ATP8A2: variants seen among roughly 807,000 people sequenced by gnomAD.
The protein encoded by ATP8A2 is phospholipid-transporting ATPase IB.
Under a neutral mutation model 165.6 loss-of-function variants are expected in ATP8A2, and 100 were observed. The ratio of observed to expected loss-of-function variants is 0.60; its 90% CI spans 0.51 to 0.71. The LOEUF is 0.71. Among genes scored for constraint, ATP8A2 ranks in the 30% least tolerant of loss-of-function variants. The probability of loss-of-function intolerance (pLI) is 0.00; values close to 1 mark genes in which losing one functional copy is unlikely to be tolerated. For synonymous variants in ATP8A2, 543 were observed against 548.8 expected, an observed-to-expected ratio of 0.99 and a Z score of 0.15; for missense variants, 1,227 against 1,479.5, an observed-to-expected ratio of 0.83 and a Z score of 2.80.
At chr13:25,377,662 C>T (rs1052438276) in intron 1 of ATP8A2, among the ~76,000 whole-genome samples, 3 of 151,848 alleles carry the variant, frequency 2.0e-5, no homozygotes, top group Non-Finnish European at 4.4e-5. Flanking sequence ...GGTAATGGTG[C>T]GTGCCTGTAA....
Position 25,995,373 on chromosome 13 carries a change from C to T in ATP8A2, c.3378-17158C>T, listed in dbSNP as rs529023742. Among the ~76,000 whole-genome samples, 19 of 150,698 alleles carry T rather than the reference C, an allele frequency of 1.3e-4. 1 individual carries two copies. In the East Asian group the frequency reaches 3.5e-3, roughly 28 times the overall value. On this transcript the variant is annotated intron_variant, in intron 35 of 36. Transcript: ENST00000381655. ...CTGCTTGCTTTGGGTTTATTTTGCT[C>T]TTCTTTTCTAGTTTCTTCATGTGAG... is the stretch of plus-strand genomic sequence containing the variant.
intron 24 of ATP8A2, among the ~76,000 whole-genome samples, chr13:25,697,239 T>C (rs937653108): frequency 5.3e-5 from 8 of 152,106 alleles, no homozygotes; most frequent in African/African-American, 1.9e-4. Flanking sequence ...GTAGAAGAGA[T>C]GTGTATTTTC....
chr13:25,892,704 C>T (rs1953411083), intron 33 of ATP8A2, among the ~76,000 whole-genome samples: 2 of 152,176 alleles, frequency 1.3e-5, no homozygotes, highest in Admixed American at 6.5e-5. Context: ...ATGCTCCCTC[C>T]ATCCCCCTCC....
chr13:25,780,877 G>T (rs530810562), intron 27 of ATP8A2, among the ~76,000 whole-genome samples: 1 of 152,260 alleles, frequency 6.6e-6, no homozygotes, highest in South Asian at 2.1e-4. Context: ...ATGTGGTCGG[G>T]TTTGCAACAG....
chr13:25,712,705 G>A (rs1203885079), intron 25 of ATP8A2, among the ~76,000 whole-genome samples: 2 of 152,148 alleles, frequency 1.3e-5, no homozygotes, highest in African/African-American at 4.8e-5. Context: ...TTTCCATACT[G>A]CTCAGGCTAT....
rs775084261 is a variant in ATP8A2, at chr13:25,570,920, C to A, written c.1579+48C>A. 2.5e-5 allele frequency: 34 copies of A among 1,358,406 alleles called. 1 individual carries two copies. Among genetic ancestry groups the A allele is most frequent in the Non-Finnish European group, 3.4e-5 (33 of 964,442 alleles). 84.1% of individuals were successfully genotyped at this position (1,358,406 alleles called of 1,614,324 possible). On this transcript the variant is annotated intron_variant, in intron 17 of 36. Transcript: ENST00000381655. ...CCCTGCTGGCCCCTTCTCAGGACAC[C>A]TGGGTGTTGCAGTTATTCTTGGAGG...
chr13:25,518,928 C>T (rs963344241), intron 2 of ATP8A2, among the ~76,000 whole-genome samples: 4 of 152,128 alleles, frequency 2.6e-5, no homozygotes, highest in Non-Finnish European at 5.9e-5. Context: ...CAGGTTTTGT[C>T]CTCTCCTGGG....
intron 35 of ATP8A2, among the ~76,000 whole-genome samples, chr13:25,969,367 T>C (rs1346355792): frequency 6.6e-6 from 1 of 152,206 alleles, no homozygotes; most frequent in African/African-American, 2.4e-5. Flanking sequence ...GAAATTTCTT[T>C]GGGCCTGAGA....
intron 33 of ATP8A2, among the ~76,000 whole-genome samples, chr13:25,892,777 T>G (rs2138907076): frequency 6.6e-6 from 1 of 151,470 alleles, no homozygotes; most frequent in African/African-American, 2.4e-5. Flanking sequence ...GTCTCAACTT[T>G]GTGTGAAGCA....
intron 27 of ATP8A2, among the ~76,000 whole-genome samples, chr13:25,777,223 A>G (rs797009757): frequency 1.7e-4 from 26 of 152,298 alleles, no homozygotes; most frequent in African/African-American, 6.3e-4. Context: ...TTTCTCGGGG[A>G]TATTAATTTG....
chr13:25,924,055 T>A (rs961598860), intron 33 of ATP8A2, among the ~76,000 whole-genome samples: 2 of 152,248 alleles, frequency 1.3e-5, no homozygotes, highest in Admixed American at 1.3e-4. Context: ...TTCAGCCTGC[T>A]TCCCCCATCT....
chr13:25,445,425 C>T (rs181450007), intron 1 of ATP8A2, among the ~76,000 whole-genome samples: 25 of 152,294 alleles, frequency 1.6e-4, no homozygotes, highest in Non-Finnish European at 3.2e-4. Context: ...TTTATCCCTG[C>T]CCTGGAGGAT....
chr13:25,668,646 G>A (rs1263176168), intron 24 of ATP8A2, among the ~76,000 whole-genome samples: 1 of 151,748 alleles, frequency 6.6e-6, no homozygotes, highest in Non-Finnish European at 1.5e-5. Context: ...TTTTCTTTTG[G>A]AACTCCCATT....
intron 24 of ATP8A2, among the ~76,000 whole-genome samples, chr13:25,681,246 T>C (rs1161682620): frequency 6.6e-6 from 1 of 152,182 alleles, no homozygotes; most frequent in African/African-American, 2.4e-5. Flanking sequence ...TCTCTCCCTC[T>C]CCCATGACTC....
chr13:25,531,458 T>C (rs2038108323), intron 4 of ATP8A2, among the ~76,000 whole-genome samples: 2 of 25,158 alleles, frequency 7.9e-5, no homozygotes, highest in East Asian at 2.5e-4. Context: ...TATATATGAT[T>C]ATATATATGT....
chr13:25,392,034 G>C (rs1234262377), intron 1 of ATP8A2, among the ~76,000 whole-genome samples: 1 of 152,218 alleles, frequency 6.6e-6, no homozygotes, highest in Non-Finnish European at 1.5e-5. Flanking sequence ...TGCTTGTTTA[G>C]TGCTGAGCTG....
At chr13:25,996,496 T>C (rs1956506876) in intron 35 of ATP8A2, among the ~76,000 whole-genome samples, 1 of 152,164 alleles carries the variant, frequency 6.6e-6, no homozygotes, top group Non-Finnish European at 1.5e-5. Context: ...TCTTTTATCA[T>C]TTCCTTTTTG....
chr13:25,378,907 G>T (rs867910279), intron 1 of ATP8A2, among the ~76,000 whole-genome samples: 2 of 152,140 alleles, frequency 1.3e-5, no homozygotes, highest in Non-Finnish European at 2.9e-5. Context: ...AGTGTTTTTC[G>T]CATATTTTTC....
intron 2 of ATP8A2, among the ~76,000 whole-genome samples, chr13:25,500,956 T>C (rs929590271): frequency 6.6e-6 from 1 of 152,210 alleles, no homozygotes; most frequent in South Asian, 2.1e-4. Context: ...TGCATTTTTT[T>C]ATTTGTACGC....
Sources: allele counts gnomAD v4.1 joint callset (sites outside exome capture counted in the v4.1 genomes callset), GRCh38; gene constraint gnomAD v4.1.1; transcripts MANE v1.5; gene names NCBI Gene and HGNC (gene_info 2026-07-23, HGNC 2026-07-21).